Variants in PLCB4 observed in about 807,000 individuals in gnomAD.
The protein encoded by PLCB4 is phospholipase C beta 4, also known as 1-phosphatidylinositol 4,5-bisphosphate phosphodiesterase beta-4.
Under a neutral mutation model 178.8 loss-of-function variants are expected in PLCB4, and 77 were observed. The observed-to-expected ratio is 0.43, with a 90% CI of 0.36 to 0.52. The LOEUF (loss-of-function observed/expected upper bound fraction) is 0.52, where lower values mean the gene tolerates loss of function less well. Ranked by LOEUF, PLCB4 falls within the 20% of genes least tolerant of loss-of-function variation. PLCB4 has a pLI of 0.00. For missense variants in PLCB4, 1,024 were observed against 1,453.4 expected, an observed-to-expected ratio of 0.70 and a Z score of 4.80; for synonymous variants, 496 against 490.8, an observed-to-expected ratio of 1.01 and a Z score of -0.14.
At chr20:9,269,256 A>G (rs1341683819) in intron 3 of PLCB4, among the ~76,000 whole-genome samples, 2 of 152,216 alleles carry the variant, frequency 1.3e-5, no homozygotes, top group Admixed American at 6.5e-5. Context: ...GTCTTCATTT[A>G]TCAGTGATGA....
intron 2 of PLCB4, among the ~76,000 whole-genome samples, chr20:9,162,137 A>G (rs374002686): frequency 6.6e-6 from 1 of 152,266 alleles, no homozygotes; most frequent in African/African-American, 2.4e-5. Context: ...GGCAGTGTTT[A>G]TTAGAATGTC....
intron 25 of PLCB4, among the ~76,000 whole-genome samples, chr20:9,417,588 C>G (rs2040341878): frequency 6.6e-6 from 1 of 152,092 alleles, no homozygotes; most frequent in African/African-American, 2.4e-5. Context: ...TGTTTTGTGC[C>G]ATACATTCAT....
At chr20:9,260,789 T>G (rs1219157527) in intron 3 of PLCB4, among the ~76,000 whole-genome samples, 1 of 152,132 alleles carries the variant, frequency 6.6e-6, no homozygotes, top group Non-Finnish European at 1.5e-5. Flanking sequence ...TTACTTAGAT[T>G]TGTTCATTTT....
intron 3 of PLCB4, among the ~76,000 whole-genome samples, chr20:9,284,598 C>G (rs2094521444): frequency 6.6e-6 from 1 of 151,786 alleles, no homozygotes. Flanking sequence ...TCCCTGTCCT[C>G]CAACATTAAG....
intron 2 of PLCB4, among the ~76,000 whole-genome samples, chr20:9,195,841 C>G (rs2093464983): frequency 6.6e-6 from 1 of 152,168 alleles, no homozygotes; most frequent in Non-Finnish European, 1.5e-5. Context: ...CTAGAGAACC[C>G]TGACTAATAC....
intron 2 of PLCB4, among the ~76,000 whole-genome samples, chr20:9,105,029 C>G (rs1210009023): frequency 6.6e-6 from 1 of 151,798 alleles, no homozygotes; most frequent in African/African-American, 2.4e-5. Context: ...ATATATGTAA[C>G]AAGTGCTTGA....
chr20:9,370,192 C>A (rs2036125212), intron 9 of PLCB4, among the ~76,000 whole-genome samples: 1 of 152,148 alleles, frequency 6.6e-6, no homozygotes, highest in Non-Finnish European at 1.5e-5. Flanking sequence ...ATTCTACTAG[C>A]CTTGATGCTC....
intron 2 of PLCB4, among the ~76,000 whole-genome samples, chr20:9,207,139 A>G (rs1601146001): frequency 1.3e-5 from 2 of 152,126 alleles, no homozygotes; most frequent in African/African-American, 4.8e-5. Flanking sequence ...AAAACCCAAA[A>G]ACCAATACCC....
chr20:9,446,494 A>G (rs779447673), intron 32 of PLCB4, among the ~76,000 whole-genome samples: 1 of 152,178 alleles, frequency 6.6e-6, no homozygotes, highest in Non-Finnish European at 1.5e-5. Flanking sequence ...AACTCCCTGG[A>G]GCCATCATGC....
chr20:9,445,868 G>A (rs756447255), intron 32 of PLCB4, among the ~76,000 whole-genome samples: 3 of 152,208 alleles, frequency 2.0e-5, no homozygotes, highest in African/African-American at 4.8e-5. Context: ...GGAATAGAGT[G>A]GATGCCCGTA....
chr20:9,113,773 G>T (rs2091676283), intron 2 of PLCB4, among the ~76,000 whole-genome samples: 1 of 152,092 alleles, frequency 6.6e-6, no homozygotes, highest in South Asian at 2.1e-4. Context: ...TATCAATATT[G>T]CATTAATGTA....
At chr20:9,433,407 G>A (rs1463815193) in intron 28 of PLCB4, among the ~76,000 whole-genome samples, 1 of 152,194 alleles carries the variant, frequency 6.6e-6, no homozygotes, top group Non-Finnish European at 1.5e-5. Context: ...GAAATATTAA[G>A]ATGGGCTGTG....
At chr20:9,416,458 T>C (rs1387971256) in intron 25 of PLCB4, among the ~76,000 whole-genome samples, 4 of 152,194 alleles carry the variant, frequency 2.6e-5, no homozygotes, top group African/African-American at 7.2e-5. Flanking sequence ...GGGGTCCAAA[T>C]GCTGCCTGTG....
chr20:9,408,988 T>G, intron 23 of PLCB4, 69 bp from the exon 24 acceptor site: 1 of 1,443,472 alleles, frequency 6.9e-7, no homozygotes. Context: ...CTTTGTTGTT[T>G]TAGCTCTTTG....
intron 3 of PLCB4, among the ~76,000 whole-genome samples, chr20:9,290,810 G>A (rs2094573781): frequency 6.6e-6 from 1 of 152,076 alleles, no homozygotes; most frequent in African/African-American, 2.4e-5. Context: ...ATATTTCATA[G>A]GAGCTCAAAT....
chr20:9,130,944 C>T (rs1427633969), intron 2 of PLCB4, among the ~76,000 whole-genome samples: 1 of 152,138 alleles, frequency 6.6e-6, no homozygotes, highest in African/African-American at 2.4e-5. Flanking sequence ...CGGAGAGTTT[C>T]CTGGGAAAAC....
intron 2 of PLCB4, among the ~76,000 whole-genome samples, chr20:9,142,587 A>C (rs1221401334): frequency 6.6e-6 from 1 of 152,166 alleles, no homozygotes; most frequent in African/African-American, 2.4e-5. Flanking sequence ...AGATACTGAC[A>C]TCTAATTCAA....
chr20:9,270,973 A>G (rs1465256043), intron 3 of PLCB4, among the ~76,000 whole-genome samples: 1 of 152,182 alleles, frequency 6.6e-6, no homozygotes, highest in Admixed American at 6.5e-5. Context: ...GACAAATTTC[A>G]GCATATTTTG....
At chr20:9,078,793 A>G (rs2090003652) in intron 1 of PLCB4, among the ~76,000 whole-genome samples, 1 of 152,182 alleles carries the variant, frequency 6.6e-6, no homozygotes, top group African/African-American at 2.4e-5. Flanking sequence ...ATATGAAGTA[A>G]ATTATTTGTG....
Sources: gnomAD v4.1 joint callset for allele counts (sites outside exome capture counted in the v4.1 genomes callset) on GRCh38, gnomAD v4.1.1 for gene constraint, MANE v1.5 for transcripts, NCBI Gene and HGNC (gene_info 2026-07-23, HGNC 2026-07-21) for gene names.